NKAIN4: variants seen among roughly 807,000 people sequenced by gnomAD.
NKAIN4 encodes sodium/potassium-transporting ATPase subunit beta-1-interacting protein 4.
Under a neutral mutation model 28.8 loss-of-function variants are expected in NKAIN4, and 28 were observed. The ratio of observed to expected loss-of-function variants is 0.97; its 90% CI spans 0.72 to 1.33. The LOEUF (loss-of-function observed/expected upper bound fraction) is 1.33, where lower values mean the gene tolerates loss of function less well. Among genes scored for constraint, NKAIN4 ranks in the 40% most tolerant of loss-of-function variants. The pLI is 0.00. For missense variants in NKAIN4, 289 were observed against 277.2 expected (o/e 1.04, Z -0.30); for synonymous variants, 122 against 115.6 (o/e 1.06, Z -0.36).
intron 1 of NKAIN4, among the ~76,000 whole-genome samples, chr20:63,250,390 G>A (rs1276699444): frequency 6.6e-6 from 1 of 152,116 alleles, no homozygotes; most frequent in Non-Finnish European, 1.5e-5. Context: ...CATCCCCTCT[G>A]TCCCCAGTTT....
upstream of NKAIN4, chr20:63,254,494 C>T (rs1555814270): frequency 1.4e-5 from 17 of 1,242,300 alleles, no homozygotes; most frequent in Non-Finnish European, 1.5e-5. Flanking sequence ...CCGCGCTCGG[C>T]CCCCGCCCCC....
At chr20:63,248,394 T>TC (rs1161420006) in intron 3 of NKAIN4, 2 of 181,432 alleles carry the variant, frequency 1.1e-5, no homozygotes, top group African/African-American at 4.8e-5. Context: ...TCCCACCCCC[T>TC]CCCCCCACGT....
intron 5 of NKAIN4, among the ~76,000 whole-genome samples, chr20:63,242,859 CG>C (rs1429495190): frequency 6.9e-6 from 1 of 145,376 alleles, no homozygotes; most frequent in East Asian, 2.0e-4. Context: ...TGGGACAGCC[CG>C]GATCTTCAGC....
chr20:63,251,678 G>C (rs1427820488), intron 1 of NKAIN4, among the ~76,000 whole-genome samples: 1 of 152,148 alleles, frequency 6.6e-6, no homozygotes, highest in Non-Finnish European at 1.5e-5. Flanking sequence ...TATGATTGTA[G>C]AGCAAGGATT....
intron 5 of NKAIN4, among the ~76,000 whole-genome samples, chr20:63,243,091 G>A (rs750306427): frequency 1.3e-5 from 2 of 152,220 alleles, no homozygotes; most frequent in Non-Finnish European, 2.9e-5. Flanking sequence ...GGCAGCAGGG[G>A]CTTGCGGGGC....
At chr20:63,244,149 G>C (rs878968305) in intron 4 of NKAIN4, 65 bp from the exon 5 acceptor site, 1 of 1,436,090 alleles carries the variant, frequency 7.0e-7, no homozygotes, top group Non-Finnish European at 9.7e-7. Flanking sequence ...TCATTGAGGC[G>C]ATGTGGGCCG....
At position 63,252,491 on chromosome 20, in the gene NKAIN4, C is replaced by T. The variant is rs2066978747; in HGVS notation, c.54+1906G>A. On this transcript the variant is annotated intron_variant, in intron 1 of 6. Transcript: ENST00000370316. This position sits in a 1 kb window ranked among gnomAD's most constrained non-coding sequence, Gnocchi z 4.6. ...AAAAAAAAGGGGCTATCCAACAACC[C>T]CGCCCTTCCTCCCGGGCCCCCTACC... Among the ~76,000 whole-genome samples, 1 of 152,102 alleles carries T rather than the reference C, an allele frequency of 6.6e-6. No homozygotes were observed. The highest frequency in any genetic ancestry group is 2.4e-5 in the African/African-American group (1 of 41,432).
intron 5 of NKAIN4, 76 bp downstream of exon 5, chr20:63,243,948 C>A (rs1461170838): frequency 2.1e-5 from 27 of 1,297,512 alleles, no homozygotes; most frequent in Non-Finnish European, 2.8e-5. Flanking sequence ...TCGCCTTGCC[C>A]CAGACGGGAC....
intron 1 of NKAIN4, among the ~76,000 whole-genome samples, chr20:63,250,516 C>T (rs1409941931): frequency 1.3e-5 from 2 of 149,632 alleles, no homozygotes; most frequent in Non-Finnish European, 3.0e-5. Flanking sequence ...CCGGGAGGGA[C>T]GGACGCGGGT....
At chr20:63,254,481 GCCCCGCGCTCGGC>G (rs2067017170), upstream of NKAIN4, 12 of 1,293,638 alleles carry the variant, frequency 9.3e-6, no homozygotes, top group East Asian at 3.8e-4. Flanking sequence ...GCCCCCGGGT[GCCCCGCGCTCGGC>G]CCCCGCCCCC....
At chr20:63,241,845 CCT>C (rs148415806) in intron 6 of NKAIN4, 37 of 455,862 alleles carry the variant, frequency 8.1e-5, no homozygotes, top group South Asian at 5.3e-4. Context: ...TCTTTATTCC[CCT>C]GTTCTCTGAC....
rs1568708255 is a variant in NKAIN4, at chr20:63,247,672, G to GC, written c.376dup (p.Ala126GlyfsTer54). 2.6e-6 allele frequency: 4 copies of GC among 1,543,020 alleles called. No individual in the cohort carries two copies. Among genetic ancestry groups the GC allele is most frequent in the South Asian group, 1.2e-5 (1 of 82,576 alleles). On this transcript the variant is annotated frameshift_variant, in exon 4 of 7. Coordinates refer to ENST00000370316, the MANE Select transcript of NKAIN4 (RefSeq NM_152864.4). LOFTEE classifies it high-confidence loss of function. ...TGACACCAGGGCCTGGCCATGGGGGGCCCCGAGGCCCACTGCTGGCACCTC... is the reference window on the plus strand; with the variant it reads ...TGACACCAGGGCCTGGCCATGGGGGGCCCCCGAGGCCCACTGCTGGCACCTC...
Position 63,247,719 on chromosome 20 carries a change from G to A in NKAIN4, c.330C>T (p.Arg110=). The A allele has an allele frequency of 6.6e-7, 1 of 1,509,448 alleles. No individual in the cohort carries two copies. Among genetic ancestry groups the A allele is most frequent in the South Asian group, 1.3e-5 (1 of 77,348 alleles). 93.5% of individuals were successfully genotyped at this position (1,509,448 alleles called of 1,614,324 possible). Residue 110 remains arginine, a synonymous_variant, in exon 4 of 7, where the codon CGC becomes CGT. Coordinates refer to ENST00000370316, the MANE Select transcript of NKAIN4 (RefSeq NM_152864.4). ...LSRHRSWWRE[R]WPGCLHEEVP... is the part of the protein sequence containing the mutation. ...CCTCCTCATGCAGACAGCCTGGCCA[G>A]CGCTCACGCCACCAGGAGCGATGCC...
Position 63,242,640 on chromosome 20 carries a change from C to A in NKAIN4, c.533-17G>T. ...TGAAATCAACTGAAAGAAATCAAGA[C>A]CCAAATAAAACAAAACCTACACAAT... is the stretch of plus-strand genomic sequence containing the variant. On this transcript the variant is annotated splice_polypyrimidine_tract_variant and intron_variant, in intron 5 of 6. Transcript: ENST00000370316. 1.9e-6 allele frequency: 3 copies of A among 1,592,286 alleles called. No individual in the cohort carries two copies. The highest frequency in any genetic ancestry group is 2.2e-5 in the East Asian group (1 of 44,786).
chr20:63,254,170 C>T, intron 1 of NKAIN4: 1 of 432,566 alleles, frequency 2.3e-6, no homozygotes, highest in South Asian at 4.0e-5. Context: ...CCGCGGCCGC[C>T]CCCCGCGCAC....
At chr20:63,246,027 A>C (rs559517209) in intron 4 of NKAIN4, among the ~76,000 whole-genome samples, 6 of 151,342 alleles carry the variant, frequency 4.0e-5, no homozygotes, top group East Asian at 2.0e-4. Flanking sequence ...TCCCGGGTTC[A>C]TGCCATTCTC....
At chr20:63,243,825 A>T in intron 5 of NKAIN4, 199 bp downstream of exon 5, 1 of 524,076 alleles carries the variant, frequency 1.9e-6, no homozygotes, top group Non-Finnish European at 3.4e-6. Context: ...TGGAGCCCCC[A>T]GGCTAGGACC....
intron 1 of NKAIN4, chr20:63,253,398 C>G (rs2066995420): frequency 1.0e-6 from 1 of 985,326 alleles, no homozygotes; most frequent in African/African-American, 1.7e-5. Flanking sequence ...GCCTGTGCCC[C>G]TAAGCCGAGC....
rs1366833786 is a variant in NKAIN4 at position 63,252,535 on chromosome 20, C to T, written c.54+1862G>A. ...CCCTACCCCCATGCAGTGACTAGAG[C>T]TGTGGTCAAGGACTCTTCTTCCCCA... On this transcript the variant is annotated intron_variant, in intron 1 of 6. Coordinates refer to ENST00000370316, the MANE Select transcript of NKAIN4 (RefSeq NM_152864.4). The surrounding 1 kb of genome is among the most constrained non-coding windows in gnomAD (Gnocchi z 4.6). Among the ~76,000 whole-genome samples the T allele has an allele frequency of 6.6e-6, 1 of 152,120 alleles. No individual in the cohort carries two copies. The highest frequency in any genetic ancestry group is 2.4e-5 in the African/African-American group (1 of 41,412).
Sources: allele counts gnomAD v4.1 joint callset (sites outside exome capture counted in the v4.1 genomes callset), GRCh38; gene constraint gnomAD v4.1.1; non-coding constraint Gnocchi (gnomAD v3.1); transcripts MANE v1.5; gene names NCBI Gene and HGNC (gene_info 2026-07-23, HGNC 2026-07-21).